The following SYT9 variants were observed in gnomAD, a reference collection of about 807,000 sequenced individuals.
SYT9 encodes synaptotagmin-9.
SYT9 carries 22 observed loss-of-function variants against 48.4 expected under a neutral mutation model. The ratio of observed to expected loss-of-function variants is 0.45; its 90% CI spans 0.32 to 0.65. The LOEUF is 0.65. SYT9 is among the 30% of genes least tolerant of loss of function. SYT9 has a pLI of 0.03. For missense variants in SYT9, 577 were observed against 622.0 expected (o/e 0.93, Z 0.77); for synonymous variants, 265 against 245.0 (o/e 1.08, Z -0.76).
intron 6 of SYT9, 66 bp downstream of exon 6, chr11:7,420,701 G>A: frequency 1.3e-6 from 2 of 1,593,332 alleles, no homozygotes; most frequent in Non-Finnish European, 1.7e-6. Context: ...AAATGCAGGA[G>A]CTGCCAAACA....
At chr11:7,458,526 G>C (rs1043608109) in intron 6 of SYT9, among the ~76,000 whole-genome samples, 14 of 152,054 alleles carry the variant, frequency 9.2e-5, no homozygotes, top group Non-Finnish European at 1.9e-4. Context: ...CAAGCAATGG[G>C]GATCAGAAGT....
Position 7,418,096 on chromosome 11 carries a change from C to T in SYT9, c.1305C>T (p.Ile435=). 1 of 1,614,056 alleles carries T rather than the reference C, an allele frequency of 6.2e-7. No homozygotes were observed. Among genetic ancestry groups the T allele is most frequent in the East Asian group, 2.2e-5 (1 of 44,862 alleles). ...FDVPPENIDQ[I]HLSIAVMDYD... is the part of the protein sequence containing the mutation. Reference sequence around the variant, plus strand: ...TCCCTCCCGAGAACATTGACCAAATCCACTTGTCCATAGCAGTCATGGACT... The same window carrying T: ...TCCCTCCCGAGAACATTGACCAAATTCACTTGTCCATAGCAGTCATGGACT... The change falls in exon 5 of 7, where the codon ATC becomes ATT. Residue 435 remains isoleucine, a synonymous_variant. Transcript: ENST00000318881.
At chr11:7,268,046 G>A (rs989262625) in intron 1 of SYT9, among the ~76,000 whole-genome samples, 5 of 151,976 alleles carry the variant, frequency 3.3e-5, no homozygotes, top group African/African-American at 1.2e-4. Context: ...GGTAGTCAAA[G>A]AACTTTCTGT....
intron 1 of SYT9, among the ~76,000 whole-genome samples, chr11:7,291,019 C>G (rs1344436147): frequency 2.6e-5 from 4 of 151,490 alleles, no homozygotes; most frequent in South Asian, 2.1e-4. Flanking sequence ...TGAAAGAACC[C>G]AAAAAAAAGA....
At chr11:7,274,065 A>G (rs1321259890) in intron 1 of SYT9, among the ~76,000 whole-genome samples, 1 of 152,202 alleles carries the variant, frequency 6.6e-6, no homozygotes, top group East Asian at 1.9e-4. Flanking sequence ...CTTAAAGTAA[A>G]ACAAACAAAA....
rs1847893765 is a variant in SYT9, at chr11:7,252,601, A to G, written c.145+270A>G. 6.6e-6 allele frequency among the ~76,000 whole-genome samples: 1 copy of G among 152,174 alleles called. No homozygotes were observed. The highest frequency in any genetic ancestry group is 1.5e-5 in the Non-Finnish European group (1 of 68,022). On this transcript the variant is annotated intron_variant, in intron 1 of 6. Coordinates refer to ENST00000318881, the MANE Select transcript of SYT9 (RefSeq NM_175733.4). The surrounding 1 kb of genome is among the most constrained non-coding windows in gnomAD (Gnocchi z 6.3). Reference sequence around the variant, plus strand: ...CCCGCCACCTGCGCTCCCATCGCCAAGGCTCCTGGGGGCGGCTCCCTAGCT... The same window carrying G: ...CCCGCCACCTGCGCTCCCATCGCCAGGGCTCCTGGGGGCGGCTCCCTAGCT...
intron 3 of SYT9, among the ~76,000 whole-genome samples, chr11:7,368,592 A>C (rs1404029027): frequency 6.6e-6 from 1 of 151,938 alleles, no homozygotes; most frequent in African/African-American, 2.4e-5. Context: ...TTCAACTCCC[A>C]ATTATGAGTG....
chr11:7,242,437 A>C (rs1023406046), intron 1 of SYT9, among the ~76,000 whole-genome samples: 1 of 152,222 alleles, frequency 6.6e-6, no homozygotes, highest in African/African-American at 2.4e-5. Flanking sequence ...ACATTTCTTC[A>C]GTAGAAAAGT....
At chr11:7,377,729 C>G (rs1035948888) in intron 3 of SYT9, among the ~76,000 whole-genome samples, 1 of 152,092 alleles carries the variant, frequency 6.6e-6, no homozygotes, top group African/African-American at 2.4e-5. Flanking sequence ...CTCATATCTC[C>G]GCCACACAAG....
rs574953793 is a variant in SYT9, at chr11:7,329,500, G to A, written c.1044+15559G>A. Among the ~76,000 whole-genome samples, 4 of 152,076 alleles carry A rather than the reference G, an allele frequency of 2.6e-5. No individual in the cohort carries two copies. In the South Asian group the frequency reaches 8.3e-4, roughly 32 times the overall value. ...ATAATTATAAAATATATGACTCGACGTCACTTCTGCATTTGAGACAAAAGG... is the reference window on the plus strand; with the variant it reads ...ATAATTATAAAATATATGACTCGACATCACTTCTGCATTTGAGACAAAAGG... On this transcript the variant is annotated intron_variant, in intron 3 of 6. Transcript: ENST00000318881.
At chr11:7,256,037 G>C (rs1206749179) in intron 1 of SYT9, among the ~76,000 whole-genome samples, 4 of 152,126 alleles carry the variant, frequency 2.6e-5, no homozygotes, top group Non-Finnish European at 5.9e-5. Context: ...TGGTCAAAAA[G>C]CATTAGTCTT....
Position 7,283,275 on chromosome 11 carries a change from C to T in SYT9, c.146-19764C>T, listed in dbSNP as rs542915488. Among the ~76,000 whole-genome samples the T allele has an allele frequency of 2.0e-5, 3 of 151,672 alleles. No homozygotes were observed. In the East Asian group the frequency reaches 5.8e-4, roughly 29 times the overall value. Reference sequence around the variant, plus strand: ...TTTTGCTCCCAAACTGAATCAAATGCTTTGTAAGACTCAGTGAAGTTATTT... The same window carrying T: ...TTTTGCTCCCAAACTGAATCAAATGTTTTGTAAGACTCAGTGAAGTTATTT... On this transcript the variant is annotated intron_variant, in intron 1 of 6. Coordinates refer to ENST00000318881, the MANE Select transcript of SYT9 (RefSeq NM_175733.4).
At chr11:7,445,432 G>A (rs946906244) in intron 6 of SYT9, among the ~76,000 whole-genome samples, 3 of 152,040 alleles carry the variant, frequency 2.0e-5, no homozygotes, top group Non-Finnish European at 4.4e-5. Flanking sequence ...TTCCCTTGGG[G>A]ATGGTCGCCT....
At chr11:7,306,191 C>G (rs2133942068) in intron 2 of SYT9, among the ~76,000 whole-genome samples, 1 of 152,184 alleles carries the variant, frequency 6.6e-6, no homozygotes, top group East Asian at 1.9e-4. Context: ...AATTCCAGAG[C>G]TTTATAAAGT....
chr11:7,412,069 G>C (rs1355062621), intron 3 of SYT9, among the ~76,000 whole-genome samples: 1 of 152,070 alleles, frequency 6.6e-6, no homozygotes, highest in East Asian at 1.9e-4. Context: ...TAAAAAAAAT[G>C]TGTATCTCTT....
At chr11:7,432,585 ATATATACATATATATATATATATATAT>A (rs1847623499) in intron 6 of SYT9, among the ~76,000 whole-genome samples, 3 of 2,652 alleles carry the variant, frequency 1.1e-3, no homozygotes, top group Non-Finnish European at 2.1e-3. Context: ...AAAAAAAAAT[ATATATACATATATATATATATATATAT>A]ATATATATAT....
intron 1 of SYT9, among the ~76,000 whole-genome samples, chr11:7,259,180 G>A (rs150209647): frequency 5.9e-5 from 9 of 152,140 alleles, no homozygotes; most frequent in Admixed American, 2.0e-4. Context: ...CAATGCATGC[G>A]AAATACCATA....
At chr11:7,375,411 G>A (rs1850435146) in intron 3 of SYT9, among the ~76,000 whole-genome samples, 1 of 152,110 alleles carries the variant, frequency 6.6e-6, no homozygotes. Context: ...CTCTTTTTTA[G>A]TGCCATATGA....
intron 1 of SYT9, among the ~76,000 whole-genome samples, chr11:7,239,159 C>T (rs1847714696): frequency 6.6e-6 from 1 of 152,086 alleles, no homozygotes; most frequent in South Asian, 2.1e-4. Flanking sequence ...GACATAAAAA[C>T]CTTTGAAGGC....
Sources: allele counts gnomAD v4.1 joint callset (sites outside exome capture counted in the v4.1 genomes callset), GRCh38; gene constraint gnomAD v4.1.1; non-coding constraint Gnocchi (gnomAD v3.1); transcripts MANE v1.5; gene names NCBI Gene and HGNC (gene_info 2026-07-23, HGNC 2026-07-21).